SLC26A7: variants seen among roughly 807,000 people sequenced by gnomAD.
SLC26A7 encodes solute carrier family 26 member 7.
A neutral mutation model predicts 82.5 loss-of-function variants in SLC26A7; 59 were observed. The observed-to-expected ratio is 0.72, with a 90% CI of 0.58 to 0.89. The LOEUF (loss-of-function observed/expected upper bound fraction) is 0.89. SLC26A7 is among the 40% of genes least tolerant of loss of function. The pLI is 0.00. For synonymous variants in SLC26A7, 271 were observed against 274.3 expected, an observed-to-expected ratio of 0.99 and a Z score of 0.12; for missense variants, 820 against 793.0, an observed-to-expected ratio of 1.03 and a Z score of -0.41.
In SLC26A7 at chr8:91,360,776, G is replaced by A. The variant is rs566466610; in HGVS notation, c.1315-1577G>A. Among the ~76,000 whole-genome samples, 10 of 152,170 alleles carry A rather than the reference G, an allele frequency of 6.6e-5. No individual in the cohort carries two copies. The East Asian group carries it at 1.9e-3, about 29-fold the overall frequency. The stretch of plus-strand genomic sequence containing the variant: ...GAGGAATTAGACTTATAAAGCTTTT[G>A]GTGAGGTATTATTCTGCCACACTCG... On this transcript the variant is annotated intron_variant, in intron 11 of 18. Coordinates refer to ENST00000276609, the MANE Select transcript of SLC26A7 (RefSeq NM_052832.4).
intron 4 of SLC26A7, among the ~76,000 whole-genome samples, chr8:91,303,426 G>C (rs1812221475): frequency 6.6e-6 from 1 of 152,166 alleles, no homozygotes; most frequent in African/African-American, 2.4e-5. Context: ...CAAGATTTCT[G>C]CCATGGGGAA....
intron 2 of SLC26A7, 75 bp from the exon 3 acceptor site, chr8:91,289,061 A>G: frequency 1.1e-6 from 1 of 917,626 alleles, no homozygotes. Flanking sequence ...AAGTAAACCA[A>G]TACCTATTCT....
At position 91,264,097 on chromosome 8, in the gene SLC26A7, G is replaced by C. The variant is rs144368595; in HGVS notation, c.193+14253G>C. Among the ~76,000 whole-genome samples the C allele has an allele frequency of 6.6e-4, 100 of 152,096 alleles. 1 individual carries two copies. The highest frequency in any genetic ancestry group is 2.2e-3 in the African/African-American group (92 of 41,520). On this transcript the variant is annotated intron_variant, in intron 2 of 18. Transcript: ENST00000276609. Reference sequence around the variant, plus strand: ...TTTCCTAAATGTTACTACCTCTAAGGCTGGTCCAGAGGACAGCTAGTTAGT... The same window carrying C: ...TTTCCTAAATGTTACTACCTCTAAGCCTGGTCCAGAGGACAGCTAGTTAGT...
chr8:91,270,781 C>T (rs775951642), intron 2 of SLC26A7, among the ~76,000 whole-genome samples: 7 of 152,084 alleles, frequency 4.6e-5, no homozygotes, highest in African/African-American at 7.2e-5. Context: ...TTGTTCTTTT[C>T]GCTAGTTTTT....
chr8:91,384,263 C>T (rs543732444), intron 15 of SLC26A7, among the ~76,000 whole-genome samples: 1 of 152,172 alleles, frequency 6.6e-6, no homozygotes, highest in African/African-American at 2.4e-5. Context: ...GGGTCATGGC[C>T]CTGTCCTCCA....
chr8:91,224,409 A>G (rs1002485932), intron 2 of SLC26A7, among the ~76,000 whole-genome samples: 1 of 151,880 alleles, frequency 6.6e-6, no homozygotes, highest in African/African-American at 2.4e-5. Flanking sequence ...CACTTTCTGC[A>G]TGTTTGTTTT....
chr8:91,252,416 A>G (rs971649756), intron 2 of SLC26A7, among the ~76,000 whole-genome samples: 1 of 152,038 alleles, frequency 6.6e-6, no homozygotes, highest in Non-Finnish European at 1.5e-5. Context: ...TTAAATATAG[A>G]TGCTTTTCTA....
intron 11 of SLC26A7, among the ~76,000 whole-genome samples, chr8:91,356,527 C>T (rs1813874083): frequency 6.6e-6 from 1 of 152,158 alleles, no homozygotes; most frequent in Admixed American, 6.5e-5. Context: ...TAAATGTCTT[C>T]TTTTGAGAAA....
chr8:91,265,523 C>T (rs1488859211), intron 2 of SLC26A7, among the ~76,000 whole-genome samples: 1 of 151,894 alleles, frequency 6.6e-6, no homozygotes, highest in African/African-American at 2.4e-5. Context: ...AAGAATTTCC[C>T]TCTTTCTGCA....
chr8:91,387,922 A>G (rs980380425), intron 15 of SLC26A7, among the ~76,000 whole-genome samples: 1 of 152,236 alleles, frequency 6.6e-6, no homozygotes, highest in African/African-American at 2.4e-5. Context: ...CAAACATAAC[A>G]TAGTTATTAT....
At chr8:91,336,906 A>G (rs1813259433) in intron 6 of SLC26A7, among the ~76,000 whole-genome samples, 1 of 152,110 alleles carries the variant, frequency 6.6e-6, no homozygotes. Flanking sequence ...TTTCTGACCT[A>G]GTATAGATGT....
At chr8:91,326,852 G>T (rs949407864) in intron 5 of SLC26A7, among the ~76,000 whole-genome samples, 1 of 152,140 alleles carries the variant, frequency 6.6e-6, no homozygotes, top group African/African-American at 2.4e-5. Context: ...TGCCTTTTCA[G>T]CTTCTTCTGG....
At chr8:91,388,295 G>T (rs1001057331) in intron 15 of SLC26A7, among the ~76,000 whole-genome samples, 1 of 149,472 alleles carries the variant, frequency 6.7e-6, no homozygotes, top group Non-Finnish European at 1.5e-5. Flanking sequence ...TGCCCAGGCT[G>T]GAGTGCAGTG....
intron 5 of SLC26A7, among the ~76,000 whole-genome samples, chr8:91,325,911 TG>T (rs1430818462): frequency 6.6e-6 from 1 of 152,156 alleles, no homozygotes; most frequent in Admixed American, 6.5e-5. Context: ...TCTGGAGCCT[TG>T]GTTTCTATTT....
intron 2 of SLC26A7, among the ~76,000 whole-genome samples, chr8:91,260,400 T>A (rs1810930785): frequency 6.6e-6 from 1 of 152,066 alleles, no homozygotes; most frequent in Non-Finnish European, 1.5e-5. Context: ...GAGATTACAA[T>A]TTGAGATGAG....
intron 2 of SLC26A7, among the ~76,000 whole-genome samples, chr8:91,257,831 G>T (rs1234402264): frequency 6.6e-6 from 1 of 152,010 alleles, no homozygotes; most frequent in Non-Finnish European, 1.5e-5. Context: ...TTCTCACGCT[G>T]CTATGAAGAA....
At chr8:91,336,062 G>C (rs1317817910) in intron 6 of SLC26A7, among the ~76,000 whole-genome samples, 1 of 152,148 alleles carries the variant, frequency 6.6e-6, no homozygotes, top group Non-Finnish European at 1.5e-5. Context: ...CACCCTGGGA[G>C]GATGGACTTC....
At chr8:91,341,140 C>T (rs981324176) in intron 8 of SLC26A7, among the ~76,000 whole-genome samples, 4 of 151,978 alleles carry the variant, frequency 2.6e-5, no homozygotes, top group Non-Finnish European at 4.4e-5. Flanking sequence ...CTCCCTCCTC[C>T]CCCCACCCCA....
chr8:91,245,121 A>C (rs1053467487), upstream of SLC26A7, among the ~76,000 whole-genome samples: 4 of 152,202 alleles, frequency 2.6e-5, no homozygotes, highest in Admixed American at 6.5e-5. Context: ...TTTTTTAAAT[A>C]AACAGCACCA....
Sources: gnomAD v4.1 joint callset for allele counts (sites outside exome capture counted in the v4.1 genomes callset) on GRCh38, gnomAD v4.1.1 for gene constraint, MANE v1.5 for transcripts, NCBI Gene and HGNC (gene_info 2026-07-23, HGNC 2026-07-21) for gene names.